Variants in ASAP2 observed in about 807,000 individuals in gnomAD.
ASAP2 encodes arf-GAP with SH3 domain, ANK repeat and PH domain-containing protein 2.
In ASAP2, 45 loss-of-function variants were observed where a neutral mutation model predicts 131.4. The ratio of observed to expected loss-of-function variants is 0.34; its 90% CI spans 0.27 to 0.44. The LOEUF is 0.44. ASAP2 is among the 20% of genes least tolerant of loss of function. The probability of loss-of-function intolerance (pLI) is 1.00; values close to 1 mark genes in which losing one functional copy is unlikely to be tolerated. For synonymous variants in ASAP2, 510 were observed against 503.0 expected, an observed-to-expected ratio of 1.01 and a Z score of -0.19; for missense variants, 1,011 against 1,297.0, an observed-to-expected ratio of 0.78 and a Z score of 3.39.
At chr2:9,246,043 T>C (rs187954126) in intron 1 of ASAP2, among the ~76,000 whole-genome samples, 2 of 152,220 alleles carry the variant, frequency 1.3e-5, no homozygotes, top group Admixed American at 6.5e-5. Flanking sequence ...TGTGACCCCG[T>C]TGGGGGAAGG....
chr2:9,217,929 A>C lies in ASAP2; in HGVS notation c.126+10699A>C, dbSNP rs1382237169. On this transcript the variant is annotated intron_variant, in intron 1 of 27. Coordinates refer to ENST00000281419, the MANE Select transcript of ASAP2 (RefSeq NM_003887.3). The surrounding 1 kb of genome is among the most constrained non-coding windows in gnomAD (Gnocchi z 4.0). ...ACGCCTGGCTTTTTTTTTTTTTTAC[A>C]TGAAAAAATAATGATGACAATGCTT... Among the ~76,000 whole-genome samples, 4 of 148,160 alleles carry C rather than the reference A, an allele frequency of 2.7e-5. No homozygotes were observed. Among genetic ancestry groups the C allele is most frequent in the African/African-American group, 1.0e-4 (4 of 39,796 alleles).
chr2:9,298,039 G>A (rs1396479447), intron 3 of ASAP2, among the ~76,000 whole-genome samples: 1 of 152,154 alleles, frequency 6.6e-6, no homozygotes, highest in East Asian at 1.9e-4. Flanking sequence ...GCAGCTCTGT[G>A]CTATCCTCGT....
At chr2:9,354,842 A>G (rs932920153) in intron 12 of ASAP2, among the ~76,000 whole-genome samples, 2 of 152,160 alleles carry the variant, frequency 1.3e-5, no homozygotes, top group Admixed American at 6.5e-5. Flanking sequence ...AAACACCACT[A>G]CAGAGAGGTG....
At chr2:9,376,474 G>A (rs1241130008) in intron 17 of ASAP2, among the ~76,000 whole-genome samples, 1 of 152,252 alleles carries the variant, frequency 6.6e-6, no homozygotes, top group Non-Finnish European at 1.5e-5. Context: ...GTCTGTAAGT[G>A]TAGAACGCAA....
chr2:9,374,970 T>TAAAAA, intron 17 of ASAP2, 26 bp downstream of exon 17: 1 of 1,381,744 alleles, frequency 7.2e-7, no homozygotes, highest in Non-Finnish European at 9.7e-7. Flanking sequence ...GTTGCTACTT[T>TAAAAA]AAAAAAAAAA....
At position 9,393,534 on chromosome 2, in the gene ASAP2, G is replaced by A. The variant is rs1048483756; in HGVS notation, c.2571G>A (p.Met857Ile). The A allele has an allele frequency of 6.2e-7, 1 of 1,601,840 alleles. No homozygotes were observed. Residue 857 changes from methionine (M) to isoleucine (I), a missense_variant, in exon 24 of 28, where the codon ATG becomes ATA. By Grantham distance (10) the Met-to-Ile change is conservative (BLOSUM62 1). Around this residue, in one of 2 missense-constraint regions of ASAP2, gnomAD observed 652 missense variants for 698.9 expected, o/e 0.93. Transcript: ENST00000281419. ...CCGTTGCCAAGACGCCCAGCGTAATGGAAGCCTTGAGCCAGCCGAGCAAGC... is the reference window on the plus strand; with the variant it reads ...CCGTTGCCAAGACGCCCAGCGTAATAGAAGCCTTGAGCCAGCCGAGCAAGC... ...PPPVAKTPSV[M>I]EALSQPSKPA...
Position 9,207,223 on chromosome 2 carries a change from T to C in ASAP2, c.119T>C (p.Ile40Thr). Residue 40 changes from isoleucine (I) to threonine (T), a missense_variant, in exon 1 of 28, where the codon ATC becomes ACC. Coordinates refer to ENST00000281419, the MANE Select transcript of ASAP2 (RefSeq NM_003887.3). The surrounding 1 kb of genome is among the most constrained non-coding windows in gnomAD (Gnocchi z 4.1). ...TAQCRNTVAA[I>T]EEALDVDRMV... is the part of the protein sequence containing the mutation. ...CAGTGCCGGAACACTGTGGCGGCCA[T>C]CGAGGAGGTGAGGCGGCCTGCGCGG... 6.3e-7 allele frequency: 1 copy of C among 1,589,476 alleles called. No homozygotes were observed. The highest frequency in any genetic ancestry group is 8.5e-7 in the Non-Finnish European group (1 of 1,170,170).
chr2:9,298,561 G>A (rs955109659), intron 3 of ASAP2, among the ~76,000 whole-genome samples: 1 of 152,166 alleles, frequency 6.6e-6, no homozygotes, highest in Non-Finnish European at 1.5e-5. Flanking sequence ...CTAGAGTGGC[G>A]GCCCACCTGC....
At chr2:9,317,817 C>T (rs1407328308) in intron 3 of ASAP2, among the ~76,000 whole-genome samples, 9 of 151,218 alleles carry the variant, frequency 6.0e-5, no homozygotes, top group Non-Finnish European at 8.9e-5. Context: ...CTCACACAAT[C>T]ACACCCTTAG....
intron 3 of ASAP2, among the ~76,000 whole-genome samples, chr2:9,316,616 G>C (rs1158853076): frequency 1.3e-5 from 2 of 152,088 alleles, no homozygotes; most frequent in South Asian, 2.1e-4. Context: ...TTTCGAGCTC[G>C]TTTTCCACTT....
chr2:9,260,001 G>C (rs1294914626), intron 1 of ASAP2, among the ~76,000 whole-genome samples: 1 of 151,038 alleles, frequency 6.6e-6, no homozygotes, highest in East Asian at 1.9e-4. Context: ...CTCTGTGGTT[G>C]AGGAACCCCA....
rs1240466085 is a variant in ASAP2, at chr2:9,217,857, A to G, written c.126+10627A>G. Among the ~76,000 whole-genome samples the G allele has an allele frequency of 6.7e-6, 1 of 149,696 alleles. No homozygotes were observed. The highest frequency in any genetic ancestry group is 1.5e-5 in the Non-Finnish European group (1 of 67,750). On this transcript the variant is annotated intron_variant, in intron 1 of 27. Coordinates refer to ENST00000281419, the MANE Select transcript of ASAP2 (RefSeq NM_003887.3). This position sits in a 1 kb window ranked among gnomAD's most constrained non-coding sequence, Gnocchi z 4.0. ...TCTTGATCTCCTGACCTCGTGAGGC[A>G]CCCACCTCGGCTTCCCAAAGTGCTG...
chr2:9,356,629 G>A (rs908715325), intron 14 of ASAP2, among the ~76,000 whole-genome samples: 1 of 152,194 alleles, frequency 6.6e-6, no homozygotes, highest in Admixed American at 6.5e-5. Flanking sequence ...AAACTGAAGG[G>A]TACAGTGAGA....
At chr2:9,305,694 A>T (rs1191084465) in intron 3 of ASAP2, among the ~76,000 whole-genome samples, 1 of 139,948 alleles carries the variant, frequency 7.1e-6, no homozygotes, top group Non-Finnish European at 1.6e-5. Context: ...ATATTGGTGG[A>T]GAGGCTGTAG....
intron 1 of ASAP2, among the ~76,000 whole-genome samples, chr2:9,254,527 A>ATT (rs546862626): frequency 0.036 from 1,000 of 27,982 alleles, 186 homozygotes; most frequent in Admixed American, 0.087. Flanking sequence ...TAATTTTTGG[A>ATT]TTTTTTTTTT....
At chr2:9,367,540 T>G (rs1256833233) in intron 15 of ASAP2, among the ~76,000 whole-genome samples, 1 of 151,946 alleles carries the variant, frequency 6.6e-6, no homozygotes, top group Non-Finnish European at 1.5e-5. Context: ...GTGGCCGGAT[T>G]GCATGAGCCC....
intron 14 of ASAP2, among the ~76,000 whole-genome samples, chr2:9,357,848 G>A (rs532100192): frequency 6.6e-5 from 10 of 152,248 alleles, no homozygotes; most frequent in Admixed American, 1.3e-4. Flanking sequence ...CTAAAGTTGC[G>A]ATATTTACCT....
intron 3 of ASAP2, among the ~76,000 whole-genome samples, chr2:9,307,565 G>A (rs1669027253): frequency 6.6e-6 from 1 of 152,202 alleles, no homozygotes; most frequent in Non-Finnish European, 1.5e-5. Flanking sequence ...CCTTCAGCTG[G>A]TGTCAGTGTG....
At chr2:9,380,871 C>T (rs1468103174) in intron 20 of ASAP2, 63 bp downstream of exon 20, 3 of 1,532,318 alleles carry the variant, frequency 2.0e-6, no homozygotes, top group Non-Finnish European at 2.7e-6. Flanking sequence ...CCAAGCCTGT[C>T]CTCCTTGGGC....
Sources: gnomAD v4.1 joint callset for allele counts (sites outside exome capture counted in the v4.1 genomes callset) on GRCh38, gnomAD v4.1.1 for gene constraint, gnomAD v4.1.1 regional missense constraint, Gnocchi (gnomAD v3.1) non-coding constraint, MANE v1.5 for transcripts, NCBI Gene and HGNC (gene_info 2026-07-23, HGNC 2026-07-21) for gene names.